SS18L1: variants seen among roughly 807,000 people sequenced by gnomAD.
The protein encoded by SS18L1 is SS18L1 subunit of BAF chromatin remodeling complex.
In SS18L1, 32 loss-of-function variants were observed where a neutral mutation model predicts 70.3. The observed-to-expected ratio is 0.46, with a 90% confidence interval of 0.34 to 0.61. The LOEUF (loss-of-function observed/expected upper bound fraction) is 0.61, where lower values mean the gene tolerates loss of function less well. Ranked by LOEUF, SS18L1 falls within the 20% of genes least tolerant of loss-of-function variation. The probability of loss-of-function intolerance (pLI) is 0.01; values close to 1 mark genes in which losing one functional copy is unlikely to be tolerated. For missense variants in SS18L1, 430 were observed against 542.1 expected, an observed-to-expected ratio of 0.79 and a Z score of 2.05; for synonymous variants, 237 against 229.7, an observed-to-expected ratio of 1.03 and a Z score of -0.29.
intron 8 of SS18L1, among the ~76,000 whole-genome samples, chr20:62,171,378 C>T (rs916616022): frequency 6.6e-6 from 1 of 152,302 alleles, no homozygotes; most frequent in African/African-American, 2.4e-5. Context: ...ACGGTGACAG[C>T]TCGTTTGCCA....
chr20:62,158,661 TC>T lies in SS18L1; in HGVS notation c.70-10del. ...CCGCGTCGGCAGCGCCCGCTCACGC[TC>T]TCTCCGCAGATGCTGGACGAGAACC... On this transcript the variant is annotated splice_polypyrimidine_tract_variant and intron_variant, in intron 1 of 10. Transcript: ENST00000331758. This position sits in a 1 kb window ranked among gnomAD's most constrained non-coding sequence, Gnocchi z 4.5. 6.2e-7 allele frequency: 1 copy of T among 1,612,096 alleles called. No homozygotes were observed. Among genetic ancestry groups the T allele is most frequent in the Non-Finnish European group, 8.5e-7 (1 of 1,179,944 alleles).
chr20:62,163,683 G>A, intron 6 of SS18L1, 61 bp downstream of exon 6: 1 of 1,469,890 alleles, frequency 6.8e-7, no homozygotes, highest in East Asian at 2.4e-5. Context: ...TGAAGTGCCA[G>A]GCTGTGTGTG....
intron 8 of SS18L1, among the ~76,000 whole-genome samples, chr20:62,167,867 G>A (rs988213436): frequency 6.6e-6 from 1 of 151,430 alleles, no homozygotes; most frequent in Non-Finnish European, 1.5e-5. Context: ...CTAGGCTGGA[G>A]TGCAGTGGCC....
intron 1 of SS18L1, 90 bp downstream of exon 1, chr20:62,143,979 C>T (rs2145674729): frequency 7.1e-6 from 6 of 846,592 alleles, no homozygotes; most frequent in Non-Finnish European, 8.5e-6. Context: ...GGGCGCGGGG[C>T]GCGAACAAAG....
chr20:62,150,633 ATTTTTTTTTTTTTTTTTTTTTTTTTT>A (rs34708339), intron 1 of SS18L1, among the ~76,000 whole-genome samples: 2 of 58,054 alleles, frequency 3.4e-5, no homozygotes, highest in East Asian at 1.6e-3. Flanking sequence ...ATTGAGGTGG[ATTTTTTTTTTTTTTTTTTTTTTTTTT>A]TTTTTTTTTT....
intron 1 of SS18L1, among the ~76,000 whole-genome samples, chr20:62,152,571 C>T (rs2057153530): frequency 6.6e-6 from 1 of 152,218 alleles, no homozygotes; most frequent in Non-Finnish European, 1.5e-5. Flanking sequence ...CACAAGTGCA[C>T]ATCAGGAAGC....
At chr20:62,178,794 A>G (rs965565188) in intron 10 of SS18L1, among the ~76,000 whole-genome samples, 4 of 152,080 alleles carry the variant, frequency 2.6e-5, no homozygotes, top group African/African-American at 7.2e-5. Flanking sequence ...ATTGAAACCC[A>G]TCACCCTGGT....
chr20:62,166,306 A>C (rs2057430201), intron 8 of SS18L1, among the ~76,000 whole-genome samples: 1 of 152,252 alleles, frequency 6.6e-6, no homozygotes, highest in African/African-American at 2.4e-5. Context: ...GGCAGGCAGC[A>C]GTGGCTGAGG....
chr20:62,152,080 C>T (rs1222212635), intron 1 of SS18L1, among the ~76,000 whole-genome samples: 1 of 152,122 alleles, frequency 6.6e-6, no homozygotes, highest in Non-Finnish European at 1.5e-5. Context: ...CTGTTTCCTC[C>T]ATCGGGCCGC....
intron 1 of SS18L1, among the ~76,000 whole-genome samples, chr20:62,156,113 G>A (rs557693976): frequency 2.0e-5 from 3 of 152,268 alleles, no homozygotes; most frequent in South Asian, 2.1e-4. Flanking sequence ...GTGCACACCC[G>A]CGGGGCTCTG....
rs1029241588 is a variant in SS18L1 at position 62,182,256 on chromosome 20, G to A, written c.*3048G>A. On this transcript the variant is annotated 3_prime_UTR_variant, in exon 11 of 11. Coordinates refer to ENST00000331758, the MANE Select transcript of SS18L1 (RefSeq NM_198935.3). ...TTTCTACGTGTAGGCGTGAATAGGG[G>A]GCACCCCTTCAAAACTGTACAAAGA... The A allele has an allele frequency of 4.6e-6, 1 of 218,402 alleles. No homozygotes were observed. The allele number at this position is 218,402 out of a possible 1,614,324, so 13.5% of individuals were successfully genotyped here.
chr20:62,156,221 A>G (rs2057220679), intron 1 of SS18L1, among the ~76,000 whole-genome samples: 1 of 152,138 alleles, frequency 6.6e-6, no homozygotes, highest in South Asian at 2.1e-4. Context: ...GTCCCTGGAG[A>G]CAATCTCTGC....
intron 1 of SS18L1, among the ~76,000 whole-genome samples, chr20:62,157,079 G>A (rs1404660461): frequency 3.3e-5 from 5 of 151,994 alleles, no homozygotes; most frequent in African/African-American, 9.7e-5. Context: ...GGGTCTCCGC[G>A]GGCCACCCAG....
chr20:62,164,017 C>A, intron 6 of SS18L1, 128 bp from the exon 7 acceptor site: 1 of 734,422 alleles, frequency 1.4e-6, no homozygotes. Context: ...GATACGATGA[C>A]AGCGTGGGGT....
rs1372923308 is a variant in SS18L1 at position 62,181,897 on chromosome 20, T to C, written c.*2689T>C. 3 of 228,238 alleles carry C rather than the reference T, an allele frequency of 1.3e-5. No homozygotes were observed. The highest frequency in any genetic ancestry group is 4.4e-5 in the African/African-American group (2 of 45,008). The allele number at this position is 228,238 out of a possible 1,614,324, so 14.1% of individuals were successfully genotyped here. A position where few individuals can be genotyped will look rare whatever the true frequency, so the allele number is the denominator to read the frequency against. ...GAAGAAGCAAAGGAAGACATGAAAA[T>C]TGACGCTCATTCTTCTTCCTATTGT... On this transcript the variant is annotated 3_prime_UTR_variant, in exon 11 of 11. Transcript: ENST00000331758.
chr20:62,175,772 C>A (rs1429732455), intron 10 of SS18L1, among the ~76,000 whole-genome samples: 1 of 152,208 alleles, frequency 6.6e-6, no homozygotes, highest in African/African-American at 2.4e-5. Flanking sequence ...TTCAAGAGGG[C>A]AAAGGGTCAC....
intron 8 of SS18L1, among the ~76,000 whole-genome samples, chr20:62,168,555 T>TC (rs2057474943): frequency 1.3e-5 from 2 of 151,668 alleles, no homozygotes; most frequent in South Asian, 4.2e-4. Flanking sequence ...GTGCAGTGGC[T>TC]CCCACCTGTG....
In SS18L1 at chr20:62,180,106, A is replaced by G. The variant is rs2057685404; in HGVS notation, c.*898A>G. Reference sequence around the variant, plus strand: ...CAATTCTAAGTTGATAGGTAATTTTAAATATTCAAACCAAATCTTCCCAAC... The same window carrying G: ...CAATTCTAAGTTGATAGGTAATTTTGAATATTCAAACCAAATCTTCCCAAC... On this transcript the variant is annotated 3_prime_UTR_variant, in exon 11 of 11. Transcript: ENST00000331758. 1 of 209,452 alleles carries G rather than the reference A, an allele frequency of 4.8e-6. No homozygotes were observed. Among genetic ancestry groups the G allele is most frequent in the Non-Finnish European group, 9.7e-6 (1 of 103,220 alleles). The allele number at this position is 209,452 out of a possible 1,614,324, so 13.0% of individuals were successfully genotyped here. A position where few individuals can be genotyped will look rare whatever the true frequency, so the allele number is the denominator to read the frequency against.
At position 62,179,805 on chromosome 20, in the gene SS18L1, T is replaced by C. The variant is rs1266703336; in HGVS notation, c.*597T>C. ...CATCTCCCACGGGAGAGGCCACAGA[T>C]GGCCACTTCCAGAGCTTGCCCATTG... On this transcript the variant is annotated 3_prime_UTR_variant, in exon 11 of 11. Transcript: ENST00000331758. 1 of 229,734 alleles carries C rather than the reference T, an allele frequency of 4.4e-6. No individual in the cohort carries two copies. Among genetic ancestry groups the C allele is most frequent in the African/African-American group, 2.2e-5 (1 of 45,112 alleles). The allele number at this position is 229,734 out of a possible 1,614,324, so 14.2% of individuals were successfully genotyped here.
Sources: gnomAD v4.1 joint callset for allele counts (sites outside exome capture counted in the v4.1 genomes callset) on GRCh38, gnomAD v4.1.1 for gene constraint, Gnocchi (gnomAD v3.1) non-coding constraint, MANE v1.5 for transcripts, NCBI Gene and HGNC (gene_info 2026-07-23, HGNC 2026-07-21) for gene names.